The following TEX264 variants were observed in gnomAD, a reference collection of about 807,000 sequenced individuals.
TEX264 encodes testis expressed 264, ER-phagy receptor.
Under a neutral mutation model 23.4 loss-of-function variants are expected in TEX264, and 13 were observed. The observed-to-expected ratio is 0.56, with a 90% CI of 0.36 to 0.88. TEX264 has a LOEUF of 0.88. TEX264 is among the 40% of genes least tolerant of loss of function. The probability of loss-of-function intolerance (pLI) is 0.01; values close to 1 mark genes in which losing one functional copy is unlikely to be tolerated. For missense variants in TEX264, 340 were observed against 406.8 expected, an observed-to-expected ratio of 0.84 and a Z score of 1.41; for synonymous variants, 159 against 170.0, an observed-to-expected ratio of 0.94 and a Z score of 0.50.
chr3:51,684,616 C>T lies in TEX264; in HGVS notation c.462C>T (p.Ala154=). The stretch of plus-strand genomic sequence containing the variant: ...TGGCTACCCGCCGTGTCCATCCTGC[C>T]TTGGACACCTACATCAAGGTGAGGC... ...IWLATRRVHP[A]LDTYIKERKL... The change falls in exon 3 of 5, where the codon GCC becomes GCT. Residue 154 remains alanine, a synonymous_variant. Transcript: ENST00000341333. 1.2e-6 allele frequency: 2 copies of T among 1,614,210 alleles called. No individual in the cohort carries two copies. The highest frequency in any genetic ancestry group is 1.7e-6 in the Non-Finnish European group (2 of 1,180,020).
Position 51,703,896 on chromosome 3 carries a change from G to C in TEX264, c.822G>C (p.Glu274Asp). 1.2e-6 allele frequency: 2 copies of C among 1,611,478 alleles called. No individual in the cohort carries two copies. Among genetic ancestry groups the C allele is most frequent in the Non-Finnish European group, 1.7e-6 (2 of 1,178,236 alleles). Residue 274 changes from glutamate to aspartate, a missense_variant, in exon 5 of 5, where the codon GAG (glutamate) becomes GAC (aspartate). Transcript: ENST00000341333. This position sits in a 1 kb window ranked among gnomAD's most constrained non-coding sequence, Gnocchi z 4.8. ...CAGGTGCCAGCGGCTCCTCTTTTGA[G>C]GAGCTGGACTTGGAGGGCGAGGGGC... ...SESGASGSSF[E>D]ELDLEGEGPL...
chr3:51,687,419 G>A (rs376135912), intron 3 of TEX264, among the ~76,000 whole-genome samples: 14 of 152,242 alleles, frequency 9.2e-5, no homozygotes, highest in African/African-American at 3.4e-4. Flanking sequence ...CAAGGAGAGA[G>A]TATAAGGCTC....
chr3:51,690,232 G>A (rs1346404709), intron 3 of TEX264, among the ~76,000 whole-genome samples: 1 of 152,174 alleles, frequency 6.6e-6, no homozygotes, highest in Admixed American at 6.5e-5. Context: ...GCCTCGGCCG[G>A]GGAAATACAG....
intron 3 of TEX264, among the ~76,000 whole-genome samples, chr3:51,690,515 G>A (rs1426841291): frequency 1.4e-5 from 2 of 144,544 alleles, no homozygotes; most frequent in African/African-American, 5.2e-5. Context: ...CTGAGATCAC[G>A]ACACTGATCT....
chr3:51,691,785 G>A lies in TEX264; in HGVS notation c.480+7151G>A, dbSNP rs1702838113. Among the ~76,000 whole-genome samples the A allele has an allele frequency of 6.6e-6, 1 of 152,208 alleles. No individual in the cohort carries two copies. The highest frequency in any genetic ancestry group is 2.1e-4 in the South Asian group (1 of 4,830). ...TCTTCAGTACCTAGGAGATGGGGAG[G>A]AAGAGCCAGAGGCCACAGTCAAATT... On this transcript the variant is annotated intron_variant, in intron 3 of 4. Transcript: ENST00000341333. The surrounding 1 kb of genome is among the most constrained non-coding windows in gnomAD (Gnocchi z 4.4).
intron 3 of TEX264, among the ~76,000 whole-genome samples, chr3:51,685,471 G>A (rs757282200): frequency 1.1e-4 from 17 of 152,210 alleles, no homozygotes; most frequent in Non-Finnish European, 2.2e-4. Flanking sequence ...AAAATAGGAC[G>A]TGTGCTAGAG....
chr3:51,690,442 G>T (rs1348693119), intron 3 of TEX264, among the ~76,000 whole-genome samples: 1 of 151,740 alleles, frequency 6.6e-6, no homozygotes, highest in Non-Finnish European at 1.5e-5. Context: ...TGAGGCACGA[G>T]AATTGCTTGA....
intron 2 of TEX264, chr3:51,683,608 G>A (rs1702508271): frequency 2.0e-5 from 3 of 152,254 alleles, no homozygotes; most frequent in African/African-American, 7.2e-5. Flanking sequence ...TGGGCCATGG[G>A]TTGCAGAAGA....
intron 2 of TEX264, among the ~76,000 whole-genome samples, chr3:51,678,048 A>G (rs903762316): frequency 2.0e-5 from 3 of 152,146 alleles, no homozygotes; most frequent in African/African-American, 7.2e-5. Context: ...GAGTTCAGAG[A>G]TAAGGATCAC....
Position 51,703,947 on chromosome 3 carries a change from T to A in TEX264, c.873T>A (p.Pro291=). Residue 291 remains proline (P), a synonymous_variant, in exon 5 of 5, where the codon CCT becomes CCA. Coordinates refer to ENST00000341333, the MANE Select transcript of TEX264 (RefSeq NM_015926.6). This position sits in a 1 kb window ranked among gnomAD's most constrained non-coding sequence, Gnocchi z 4.8. ...CCTTAGGGGAGTCACGGCTGGACCCTGGGACTGAGCCCCTGGGGACTACCA... is the reference window on the plus strand; with the variant it reads ...CCTTAGGGGAGTCACGGCTGGACCCAGGGACTGAGCCCCTGGGGACTACCA... ...EGPLGESRLD[P]GTEPLGTTKW... The A allele has an allele frequency of 6.3e-7, 1 of 1,590,522 alleles. No individual in the cohort carries two copies. Among genetic ancestry groups the A allele is most frequent in the South Asian group, 1.1e-5 (1 of 89,624 alleles).
At chr3:51,684,657 G>A (rs1197662776) in intron 3 of TEX264, 23 bp downstream of exon 3, 2 of 1,611,108 alleles carry the variant, frequency 1.2e-6, no homozygotes, top group South Asian at 2.2e-5. Context: ...CCTGGGGTGT[G>A]TGTGTTGGGG....
At chr3:51,694,372 C>T (rs1702976390) in intron 3 of TEX264, 2 of 152,226 alleles carry the variant, frequency 1.3e-5, no homozygotes, top group South Asian at 4.1e-4. Context: ...CTCAAGTAAT[C>T]CACCCGCCTT....
chr3:51,697,970 T>TA (rs1703134486), intron 3 of TEX264, among the ~76,000 whole-genome samples: 2 of 152,144 alleles, frequency 1.3e-5, no homozygotes, highest in African/African-American at 4.8e-5. Context: ...AGGGCTAGGG[T>TA]GTTCTACTTT....
Position 51,703,780 on chromosome 3 carries a change from C to A in TEX264, c.706C>A (p.Arg236=). The change falls in exon 5 of 5, where the codon CGG becomes AGG. Residue 236 remains arginine (R), a synonymous_variant. Transcript: ENST00000341333. The surrounding 1 kb of genome is among the most constrained non-coding windows in gnomAD (Gnocchi z 4.8). ...SVSLEVSPGS[R]ETSAATLSPG... Reference sequence around the variant, plus strand: ...AAGCTTGGAAGTGAGCCCTGGCAGCCGGGAGACTTCAGCTGCCACACTGTC... The same window carrying A: ...AAGCTTGGAAGTGAGCCCTGGCAGCAGGGAGACTTCAGCTGCCACACTGTC... 6.2e-7 allele frequency: 1 copy of A among 1,608,418 alleles called. No homozygotes were observed.
intron 3 of TEX264, among the ~76,000 whole-genome samples, chr3:51,687,637 G>T (rs1254666398): frequency 1.3e-5 from 2 of 152,314 alleles, no homozygotes; most frequent in South Asian, 2.1e-4. Context: ...TTCTGCTTTG[G>T]CAGGGGTGAG....
At chr3:51,687,395 A>AG (rs1702661657) in intron 3 of TEX264, among the ~76,000 whole-genome samples, 1 of 152,222 alleles carries the variant, frequency 6.6e-6, no homozygotes, top group Non-Finnish European at 1.5e-5. Flanking sequence ...TGCCTCTCTC[A>AG]GCCCAGGAGA....
intron 2 of TEX264, among the ~76,000 whole-genome samples, chr3:51,675,669 G>A (rs900918865): frequency 6.6e-6 from 1 of 152,196 alleles, no homozygotes; most frequent in Admixed American, 6.5e-5. Context: ...CAGGGAGGCT[G>A]CCATGAGTCT....
At chr3:51,690,109 G>A (rs772858037) in intron 3 of TEX264, among the ~76,000 whole-genome samples, 6 of 152,162 alleles carry the variant, frequency 3.9e-5, no homozygotes, top group Non-Finnish European at 8.8e-5. Context: ...CTGTCCAGTG[G>A]GCACAGAACC....
intron 3 of TEX264, among the ~76,000 whole-genome samples, chr3:51,689,598 C>T (rs1031594763): frequency 2.6e-5 from 4 of 152,136 alleles, no homozygotes; most frequent in Admixed American, 6.5e-5. Context: ...CCCTTTCCTG[C>T]TTCACCTGGA....
Sources: gnomAD v4.1 joint callset for allele counts (sites outside exome capture counted in the v4.1 genomes callset) on GRCh38, gnomAD v4.1.1 for gene constraint, Gnocchi (gnomAD v3.1) non-coding constraint, MANE v1.5 for transcripts, NCBI Gene and HGNC (gene_info 2026-07-23, HGNC 2026-07-21) for gene names.